The following ADAMTS20 variants were observed in gnomAD, a reference collection of about 807,000 sequenced individuals.
ADAMTS20 encodes the protein A disintegrin and metalloproteinase with thrombospondin motifs 20.
ADAMTS20 carries 225 observed loss-of-function variants against 260.1 expected under a neutral mutation model. The observed-to-expected ratio is 0.87, with a 90% CI of 0.78 to 0.97. ADAMTS20 has a LOEUF of 0.97. ADAMTS20 is among the 50% of genes least tolerant of loss of function. ADAMTS20 has a pLI of 0.00. For missense variants in ADAMTS20, 2,400 were observed against 2,337.7 expected (o/e 1.03, Z -0.55); for synonymous variants, 802 against 769.5 (o/e 1.04, Z -0.70).
At chr12:43,386,376 C>A (rs753635411) in intron 29 of ADAMTS20, among the ~76,000 whole-genome samples, 2 of 152,188 alleles carry the variant, frequency 1.3e-5, no homozygotes, top group Non-Finnish European at 2.9e-5. Flanking sequence ...ATGGGCTTCC[C>A]TTTGTGGGTA....
intron 19 of ADAMTS20, among the ~76,000 whole-genome samples, chr12:43,433,234 A>T (rs10880490): frequency 0.2 from 30,388 of 152,202 alleles, 3,297 homozygotes; most frequent in South Asian, 0.31. Flanking sequence ...AAAGTTAACT[A>T]GTTTTTGCAA....
intron 37 of ADAMTS20, among the ~76,000 whole-genome samples, chr12:43,357,284 A>T (rs1011618790): frequency 6.6e-6 from 1 of 152,222 alleles, no homozygotes; most frequent in African/African-American, 2.4e-5. Context: ...CAGTCTACTG[A>T]CAATGTTCAG....
At chr12:43,372,759 G>A (rs1158075645) in intron 36 of ADAMTS20, among the ~76,000 whole-genome samples, 1 of 152,184 alleles carries the variant, frequency 6.6e-6, no homozygotes, top group Non-Finnish European at 1.5e-5. Flanking sequence ...TTGGATGGGA[G>A]CATGAAGAGT....
chr12:43,509,929 CAG>C (rs1942899966), intron 3 of ADAMTS20, among the ~76,000 whole-genome samples: 1 of 151,976 alleles, frequency 6.6e-6, no homozygotes, highest in South Asian at 2.1e-4. Context: ...ATGAAATAAA[CAG>C]TATGAATATT....
intron 5 of ADAMTS20, among the ~76,000 whole-genome samples, chr12:43,492,940 T>C (rs1942625538): frequency 6.6e-6 from 1 of 152,226 alleles, no homozygotes. Flanking sequence ...TTTCAATATT[T>C]TATTTTTGAA....
intron 7 of ADAMTS20, among the ~76,000 whole-genome samples, chr12:43,470,440 C>G (rs1212112237): frequency 6.6e-6 from 1 of 152,100 alleles, no homozygotes; most frequent in Non-Finnish European, 1.5e-5. Flanking sequence ...GATTAGAGAC[C>G]AAGCTCAAAT....
chr12:43,480,883 C>T (rs1795024530), intron 7 of ADAMTS20, among the ~76,000 whole-genome samples: 2 of 151,778 alleles, frequency 1.3e-5, no homozygotes, highest in South Asian at 2.1e-4. Context: ...AGGAGAAATA[C>T]GTTTTTGAGA....
intron 37 of ADAMTS20, among the ~76,000 whole-genome samples, chr12:43,366,875 A>T (rs1490373488): frequency 6.6e-6 from 1 of 151,950 alleles, no homozygotes; most frequent in African/African-American, 2.4e-5. Context: ...CTACCCTTCT[A>T]CCTTAAAACA....
intron 3 of ADAMTS20, among the ~76,000 whole-genome samples, chr12:43,518,833 A>G (rs931049429): frequency 1.3e-5 from 2 of 151,770 alleles, no homozygotes; most frequent in African/African-American, 2.4e-5. Context: ...AAAAAAAAAA[A>G]AAAGAATAAT....
chr12:43,502,377 G>C lies in ADAMTS20; in HGVS notation c.642C>G (p.Pro214=). The part of the protein sequence containing the change: ...SESQIKETSL[P]FHTYSNMNED... ...CATTCATGTTGCTGTAGGTATGAAA[G>C]GGTAAACTGGTTTCCTTTATTTGAC... is the stretch of plus-strand genomic sequence containing the variant. Residue 214 remains proline, a synonymous_variant, in exon 4 of 39, where the codon CCC becomes CCG. Coordinates refer to ENST00000389420, the MANE Select transcript of ADAMTS20 (RefSeq NM_025003.5). The C allele has an allele frequency of 6.3e-7, 1 of 1,595,424 alleles. No homozygotes were observed. Among genetic ancestry groups the C allele is most frequent in the Non-Finnish European group, 8.5e-7 (1 of 1,175,322 alleles).
intron 28 of ADAMTS20, among the ~76,000 whole-genome samples, chr12:43,419,778 C>T (rs774022289): frequency 2.1e-4 from 32 of 152,032 alleles, no homozygotes; most frequent in Non-Finnish European, 4.4e-5. Context: ...TTTATGATCT[C>T]ACCAATAATT....
Position 43,420,910 on chromosome 12 carries a change from C to T in ADAMTS20, c.4284+4604G>A, listed in dbSNP as rs181249794. 4.9e-4 allele frequency among the ~76,000 whole-genome samples: 72 copies of T among 147,764 alleles called. No homozygotes were observed. In the East Asian group the frequency reaches 0.013, roughly 26 times the overall value. ...GCAACTTCCACCTCCCAGGTTCAAG[C>T]GATTCTTCTGCCTCAGCCTCCAGAG... is the stretch of plus-strand genomic sequence containing the variant. On this transcript the variant is annotated intron_variant, in intron 28 of 38. Coordinates refer to ENST00000389420, the MANE Select transcript of ADAMTS20 (RefSeq NM_025003.5).
At chr12:43,539,892 T>A (rs1943353004) in intron 2 of ADAMTS20, among the ~76,000 whole-genome samples, 1 of 151,894 alleles carries the variant, frequency 6.6e-6, no homozygotes, top group African/African-American at 2.4e-5. Context: ...ATAGATTTTT[T>A]TTTTTTTTTG....
At chr12:43,430,206 C>G in intron 23 of ADAMTS20, 146 bp downstream of exon 23, 1 of 904,306 alleles carries the variant, frequency 1.1e-6, no homozygotes, top group Non-Finnish European at 1.5e-6. Context: ...ACAACAAATT[C>G]TATTTTTTTG....
At chr12:43,517,290 T>C (rs1943012234) in intron 3 of ADAMTS20, among the ~76,000 whole-genome samples, 1 of 152,022 alleles carries the variant, frequency 6.6e-6, no homozygotes, top group Non-Finnish European at 1.5e-5. Context: ...ATTACCAAGG[T>C]ACCGAATCCA....
intron 29 of ADAMTS20, among the ~76,000 whole-genome samples, chr12:43,384,844 T>A (rs1438181481): frequency 6.6e-6 from 1 of 152,228 alleles, no homozygotes; most frequent in Non-Finnish European, 1.5e-5. Flanking sequence ...ATTTTCTTTA[T>A]CCAGTCTATT....
intron 28 of ADAMTS20, among the ~76,000 whole-genome samples, chr12:43,421,107 C>T (rs753530175): frequency 1.1e-4 from 16 of 151,814 alleles, no homozygotes; most frequent in Non-Finnish European, 2.1e-4. Flanking sequence ...CTATGCCCGG[C>T]TTACATGATC....
intron 37 of ADAMTS20, among the ~76,000 whole-genome samples, chr12:43,366,293 T>C (rs906712861): frequency 1.2e-4 from 18 of 151,860 alleles, no homozygotes; most frequent in Admixed American, 2.6e-4. Context: ...GTTATGACAG[T>C]TATATATTCG....
chr12:43,379,524 G>A (rs1031125137), intron 31 of ADAMTS20, among the ~76,000 whole-genome samples: 9 of 152,110 alleles, frequency 5.9e-5, no homozygotes, highest in African/African-American at 1.9e-4. Flanking sequence ...AGGAACAGTT[G>A]TCAACAACCT....
Sources: allele counts gnomAD v4.1 joint callset (sites outside exome capture counted in the v4.1 genomes callset), GRCh38; gene constraint gnomAD v4.1.1; transcripts MANE v1.5; gene names NCBI Gene and HGNC (gene_info 2026-07-23, HGNC 2026-07-21).